PCNX1: variants seen among roughly 807,000 people sequenced by gnomAD.
The protein encoded by PCNX1 is pecanex-like protein 1.
PCNX1 carries 78 observed loss-of-function variants against 242.2 expected under a neutral mutation model. The observed-to-expected ratio is 0.32, with a 90% CI of 0.27 to 0.39. The LOEUF (loss-of-function observed/expected upper bound fraction) is 0.39. Ranked by LOEUF, PCNX1 falls within the 10% of genes least tolerant of loss-of-function variation. PCNX1 has a pLI of 1.00. For missense variants in PCNX1, 2,581 were observed against 2,856.5 expected, an observed-to-expected ratio of 0.90 and a Z score of 2.20; for synonymous variants, 1,024 against 1,032.9, an observed-to-expected ratio of 0.99 and a Z score of 0.17.
intron 11 of PCNX1, among the ~76,000 whole-genome samples, chr14:71,018,786 C>A (rs1462814963): frequency 1.3e-5 from 2 of 152,008 alleles, no homozygotes; most frequent in African/African-American, 4.8e-5. Context: ...ATTGAAACTC[C>A]ACAATTCACT....
rs776654801 is a variant in PCNX1, at chr14:70,980,746, C to T, written c.2311+2098C>T. Among the ~76,000 whole-genome samples the T allele has an allele frequency of 9.9e-5, 15 of 152,092 alleles. No homozygotes were observed. The South Asian group carries it at 1.7e-3, about 17-fold the overall frequency. On this transcript the variant is annotated intron_variant, in intron 6 of 35. Coordinates refer to ENST00000304743, the MANE Select transcript of PCNX1 (RefSeq NM_014982.3). ...AGATACTTGTTTATGTTAACATTATCTGTTACAGTCCTGTCTGACAATTTA... is the reference window on the plus strand; with the variant it reads ...AGATACTTGTTTATGTTAACATTATTTGTTACAGTCCTGTCTGACAATTTA...
At chr14:71,076,784 G>A (rs556822246) in intron 28 of PCNX1, among the ~76,000 whole-genome samples, 14 of 152,282 alleles carry the variant, frequency 9.2e-5, no homozygotes, top group African/African-American at 3.4e-4. Flanking sequence ...AAATGTCTTT[G>A]TCCCAAATAG....
At chr14:71,029,935 G>C (rs2060336669) in intron 16 of PCNX1, among the ~76,000 whole-genome samples, 2 of 152,178 alleles carry the variant, frequency 1.3e-5, no homozygotes, top group Non-Finnish European at 2.9e-5. Flanking sequence ...GCTCATTTGA[G>C]ATGTTTCTAG....
chr14:71,024,994 T>A (rs967206383), intron 13 of PCNX1, among the ~76,000 whole-genome samples: 3 of 152,214 alleles, frequency 2.0e-5, no homozygotes, highest in African/African-American at 7.2e-5. Context: ...TGAGATTGTA[T>A]ATGTGTCCTT....
intron 8 of PCNX1, among the ~76,000 whole-genome samples, chr14:71,006,117 G>GTC (rs2059656069): frequency 2.8e-5 from 1 of 35,422 alleles, no homozygotes; most frequent in East Asian, 9.5e-4. Context: ...GTGTGTGTGT[G>GTC]TGTGTGTGTG....
chr14:71,092,486 A>C (rs2062160461), intron 30 of PCNX1: 1 of 152,328 alleles, frequency 6.6e-6, no homozygotes, highest in Admixed American at 6.5e-5. Context: ...AAAAATGTCA[A>C]GATAACAGGA....
At chr14:71,048,124 C>T in intron 22 of PCNX1, 140 bp downstream of exon 22, 1 of 513,512 alleles carries the variant, frequency 1.9e-6, no homozygotes, top group East Asian at 2.9e-5. Context: ...TTTAGGAGCA[C>T]ATTAGAATCC....
intron 2 of PCNX1, among the ~76,000 whole-genome samples, chr14:70,949,343 A>G (rs1217961878): frequency 2.0e-5 from 3 of 149,880 alleles, no homozygotes; most frequent in African/African-American, 7.3e-5. Flanking sequence ...GCACGTGCAT[A>G]CACGCACGTG....
chr14:70,958,098 A>G (rs2058061490), intron 2 of PCNX1, among the ~76,000 whole-genome samples: 1 of 152,192 alleles, frequency 6.6e-6, no homozygotes, highest in Non-Finnish European at 1.5e-5. Context: ...CATAGCTTAT[A>G]TGAGTTAACA....
intron 24 of PCNX1, among the ~76,000 whole-genome samples, chr14:71,052,340 A>T (rs2061060910): frequency 6.6e-6 from 1 of 151,930 alleles, no homozygotes; most frequent in Non-Finnish European, 1.5e-5. Context: ...CAGCCTCCTG[A>T]ATAGCGAGGA....
chr14:71,004,645 T>C (rs2059603118), intron 8 of PCNX1, among the ~76,000 whole-genome samples: 1 of 152,124 alleles, frequency 6.6e-6, no homozygotes, highest in Non-Finnish European at 1.5e-5. Flanking sequence ...TGGGGACCGT[T>C]GCATTAACCA....
chr14:70,927,984 T>C (rs1412969339), intron 1 of PCNX1, among the ~76,000 whole-genome samples: 1 of 152,170 alleles, frequency 6.6e-6, no homozygotes, highest in African/African-American at 2.4e-5. Context: ...TTTGATCTAA[T>C]TTTTGTATAT....
chr14:71,076,607 G>T (rs976687196), intron 28 of PCNX1, among the ~76,000 whole-genome samples, 188 bp downstream of exon 28: 1 of 152,130 alleles, frequency 6.6e-6, no homozygotes. Context: ...AAAGGAAGTG[G>T]CCTCCCTCTT....
chr14:70,929,238 G>GTT (rs1337206547), intron 1 of PCNX1, among the ~76,000 whole-genome samples: 1 of 148,354 alleles, frequency 6.7e-6, no homozygotes, highest in African/African-American at 2.5e-5. Context: ...TACATTCAGT[G>GTT]TTTTTTTTTT....
chr14:71,003,637 C>T (rs1392307585), intron 8 of PCNX1, among the ~76,000 whole-genome samples: 1 of 152,150 alleles, frequency 6.6e-6, no homozygotes, highest in African/African-American at 2.4e-5. Context: ...CTTGTACATT[C>T]ACTTTTGGAA....
At chr14:70,908,098 C>T (rs994211980) in intron 1 of PCNX1, 95 bp downstream of exon 1, 65 of 1,196,986 alleles carry the variant, frequency 5.4e-5, no homozygotes, top group Middle Eastern at 3.0e-4. Context: ...GGGGTCTCGT[C>T]CCCCGGGGGC....
intron 28 of PCNX1, among the ~76,000 whole-genome samples, chr14:71,084,595 C>G (rs993020338): frequency 1.3e-5 from 2 of 151,992 alleles, no homozygotes; most frequent in Non-Finnish European, 2.9e-5. Flanking sequence ...CTTTGCTGAG[C>G]TGTGGTGGGC....
At position 71,028,718 on chromosome 14, in the gene PCNX1, C is replaced by A. The variant is rs773236759; in HGVS notation, c.3485C>A (p.Ala1162Glu). Residue 1162 changes from alanine to glutamate, a missense_variant, in exon 16 of 36, where the codon GCA (alanine) becomes GAA (glutamate). By Grantham distance (107) the Ala-to-Glu change is moderately radical. Coordinates refer to ENST00000304743, the MANE Select transcript of PCNX1 (RefSeq NM_014982.3). ...TGTCTAGCCACTACAAGCCTGCTTG[C>A]AGCACTTTACAGTTTTATCTGTAGC... is the stretch of plus-strand genomic sequence containing the variant. ...FGGNATTSLL[A>E]ALYSFICSIV... The A allele has an allele frequency of 1.2e-6, 2 of 1,605,746 alleles. No homozygotes were observed. The highest frequency in any genetic ancestry group is 2.2e-5 in the South Asian group (2 of 89,712).
At chr14:70,956,816 T>C (rs909186476) in intron 2 of PCNX1, among the ~76,000 whole-genome samples, 1 of 152,188 alleles carries the variant, frequency 6.6e-6, no homozygotes. Flanking sequence ...TCTGAGACGT[T>C]AGGCAAGTTT....
Sources: gnomAD v4.1 joint callset for allele counts (sites outside exome capture counted in the v4.1 genomes callset) on GRCh38, gnomAD v4.1.1 for gene constraint, MANE v1.5 for transcripts, NCBI Gene and HGNC (gene_info 2026-07-23, HGNC 2026-07-21) for gene names.